The following LPGAT1 variants were observed in gnomAD, a reference collection of about 807,000 sequenced individuals.
The protein encoded by LPGAT1 is acyl-CoA:lysophosphatidylglycerol acyltransferase 1.
In LPGAT1, 11 loss-of-function variants were observed where a neutral mutation model predicts 47.5. The ratio of observed to expected loss-of-function variants is 0.23; its 90% CI spans 0.15 to 0.38. The LOEUF (loss-of-function observed/expected upper bound fraction) is 0.38. Ranked by LOEUF, LPGAT1 falls within the 10% of genes least tolerant of loss-of-function variation. The pLI is 1.00. For synonymous variants in LPGAT1, 138 were observed against 144.2 expected, an observed-to-expected ratio of 0.96 and a Z score of 0.31; for missense variants, 293 against 439.0, an observed-to-expected ratio of 0.67 and a Z score of 2.97.
rs1053327068 is a variant in LPGAT1, at chr1:211,783,286, C to T, written c.670G>A (p.Ala224Thr). 4.3e-6 allele frequency: 7 copies of T among 1,614,034 alleles called. No homozygotes were observed. In the African/African-American group the frequency reaches 8.0e-5, roughly 18 times the overall value. The part of the protein sequence containing the change: ...RSGATKIILN[A>T]LVAQQKNGSP... ...CCATTTTTCTGTTGTGCTACAAGTG[C>T]ATTCAAAATAATTTTTGTTGCCCCA... The change falls in exon 5 of 8, where the codon GCA (alanine) becomes ACA (threonine). Residue 224 changes from alanine to threonine, a missense_variant. Transcript: ENST00000366997.
intron 2 of LPGAT1, among the ~76,000 whole-genome samples, chr1:211,809,097 C>T (rs938937640): frequency 2.6e-5 from 4 of 151,748 alleles, no homozygotes; most frequent in African/African-American, 4.8e-5. Flanking sequence ...CCCAACTACT[C>T]GGAAGGCTGA....
chr1:211,755,382 ATAG>A (rs1236443865), intron 6 of LPGAT1, among the ~76,000 whole-genome samples: 4 of 151,976 alleles, frequency 2.6e-5, no homozygotes, highest in East Asian at 1.9e-4. Flanking sequence ...TATAGTATAG[ATAG>A]TAGAACATGA....
At chr1:211,786,232 C>T (rs1240617512) in intron 4 of LPGAT1, among the ~76,000 whole-genome samples, 1 of 152,178 alleles carries the variant, frequency 6.6e-6, no homozygotes, top group Non-Finnish European at 1.5e-5. Flanking sequence ...ATATAATGTC[C>T]AGTACATAAA....
rs747623294 is a variant in LPGAT1, at chr1:211,751,085, A to G, written c.855-18T>C. On this transcript the variant is annotated intron_variant, in intron 6 of 7. Coordinates refer to ENST00000366997, the MANE Select transcript of LPGAT1 (RefSeq NM_014873.3). ...GAAAGATCCTATTAAGGGTTAGAAG[A>G]AAAGAACAAAAACTATTTAGTTCAG... The G allele has an allele frequency of 2.7e-6, 4 of 1,498,076 alleles. No homozygotes were observed. The Admixed American group carries it at 5.3e-5, about 20-fold the overall frequency. The allele number at this position is 1,498,076 out of a possible 1,614,324, so 92.8% of individuals were successfully genotyped here.
intron 3 of LPGAT1, among the ~76,000 whole-genome samples, chr1:211,790,890 T>C (rs1012526397): frequency 1.3e-5 from 2 of 152,182 alleles, no homozygotes; most frequent in Non-Finnish European, 2.9e-5. Context: ...TTAAGGACAT[T>C]GTAGGCCCTC....
intron 2 of LPGAT1, among the ~76,000 whole-genome samples, chr1:211,824,670 C>G (rs913478710): frequency 6.6e-6 from 1 of 152,194 alleles, no homozygotes; most frequent in Non-Finnish European, 1.5e-5. Context: ...AAGCACCACT[C>G]AGTATAAACA....
rs553267205 is a variant in LPGAT1, at chr1:211,817,844, T to C, written c.238+11215A>G. On this transcript the variant is annotated intron_variant, in intron 2 of 7. Transcript: ENST00000366997. ...CTTTCAGGTTTTTTGTTTTTGTTTT[T>C]GTTTTGAGACAGAGTCTCACTCTGT... Among the ~76,000 whole-genome samples, 10 of 152,184 alleles carry C rather than the reference T, an allele frequency of 6.6e-5. No homozygotes were observed. The South Asian group carries it at 2.1e-3, about 32-fold the overall frequency.
chr1:211,763,300 T>C (rs1461272719), intron 6 of LPGAT1, among the ~76,000 whole-genome samples: 2 of 152,326 alleles, frequency 1.3e-5, no homozygotes, highest in African/African-American at 4.8e-5. Flanking sequence ...CAAGGATTAA[T>C]GGATTAATGA....
intron 3 of LPGAT1, 32 bp from the exon 4 acceptor site, chr1:211,787,759 GA>G: frequency 7.3e-7 from 1 of 1,375,146 alleles, no homozygotes; most frequent in South Asian, 1.2e-5. Flanking sequence ...AATAATATTG[GA>G]TAGAAGAAAC....
At chr1:211,808,979 C>T (rs1334413788) in intron 2 of LPGAT1, among the ~76,000 whole-genome samples, 2 of 151,410 alleles carry the variant, frequency 1.3e-5, no homozygotes, top group Non-Finnish European at 2.9e-5. Context: ...GGGCGGATCA[C>T]GAGGTCAGGA....
chr1:211,823,303 G>A (rs527918887), intron 2 of LPGAT1, among the ~76,000 whole-genome samples: 2 of 152,178 alleles, frequency 1.3e-5, no homozygotes, highest in East Asian at 3.9e-4. Flanking sequence ...TCACTGCCTG[G>A]TTTATTTTTC....
At position 211,779,847 on chromosome 1, in the gene LPGAT1, C is replaced by T. The variant is rs936221592; in HGVS notation, c.728-803G>A. On this transcript the variant is annotated intron_variant, in intron 5 of 7. Coordinates refer to ENST00000366997, the MANE Select transcript of LPGAT1 (RefSeq NM_014873.3). ...CAGCCTGGGCACAAGAGCAAAACTCCGTCTCAAAATAAATAAATAAATAAA... is the reference window on the plus strand; with the variant it reads ...CAGCCTGGGCACAAGAGCAAAACTCTGTCTCAAAATAAATAAATAAATAAA... 2.9e-5 allele frequency among the ~76,000 whole-genome samples: 4 copies of T among 136,804 alleles called. No homozygotes were observed. The East Asian group carries it at 6.7e-4, about 23-fold the overall frequency. 89.7% of individuals were successfully genotyped at this position (136,804 alleles called of 152,430 possible). A position where few individuals can be genotyped will look rare whatever the true frequency, so the allele number is the denominator to read the frequency against.
At chr1:211,761,696 T>C (rs1349437672) in intron 6 of LPGAT1, among the ~76,000 whole-genome samples, 2 of 152,254 alleles carry the variant, frequency 1.3e-5, no homozygotes, top group Admixed American at 6.5e-5. Flanking sequence ...GAGATACAAA[T>C]AGTTAGCTTG....
At chr1:211,789,869 C>CAAA (rs10651480) in intron 3 of LPGAT1, among the ~76,000 whole-genome samples, 5,303 of 138,378 alleles carry the variant, frequency 0.038, 177 homozygotes, top group African/African-American at 0.083. Flanking sequence ...GACTCTGTCT[C>CAAA]AAAAAAAAAA....
chr1:211,787,811 T>A lies in LPGAT1; in HGVS notation c.358-84A>T, dbSNP rs1358940129. 3 of 793,006 alleles carry A rather than the reference T, an allele frequency of 3.8e-6. No individual in the cohort carries two copies. The East Asian group carries it at 7.8e-5, about 21-fold the overall frequency. The allele number at this position is 793,006 out of a possible 1,614,324, so 49.1% of individuals were successfully genotyped here. ...CTGAGTCTCCAAGCTTTAAATATAA[T>A]CATCCAAGCATACTTTTAATTAACC... is the stretch of plus-strand genomic sequence containing the variant. On this transcript the variant is annotated intron_variant, in intron 3 of 7. Transcript: ENST00000366997.
chr1:211,752,063 A>G (rs1254786534), intron 6 of LPGAT1, among the ~76,000 whole-genome samples: 1 of 152,218 alleles, frequency 6.6e-6, no homozygotes, highest in East Asian at 1.9e-4. Flanking sequence ...AGTTAGCTCA[A>G]TATTAGGCAT....
intron 2 of LPGAT1, among the ~76,000 whole-genome samples, chr1:211,803,479 C>T (rs569554286): frequency 1.3e-5 from 2 of 152,200 alleles, no homozygotes; most frequent in South Asian, 4.1e-4. Context: ...ATGAAATTGG[C>T]AGAGTAGCAT....
intron 3 of LPGAT1, 57 bp downstream of exon 3, chr1:211,793,015 G>T: frequency 8.1e-7 from 1 of 1,228,048 alleles, no homozygotes; most frequent in Non-Finnish European, 1.2e-6. Flanking sequence ...CGGCCAAATG[G>T]ATTCCTTTTT....
chr1:211,802,087 C>CAAAAAA (rs758493700), intron 2 of LPGAT1, among the ~76,000 whole-genome samples: 1 of 108,550 alleles, frequency 9.2e-6, no homozygotes, highest in Admixed American at 1.0e-4. Flanking sequence ...GACTCTGTCT[C>CAAAAAA]AAAAAAAAAA....
Sources: allele counts gnomAD v4.1 joint callset (sites outside exome capture counted in the v4.1 genomes callset), GRCh38; gene constraint gnomAD v4.1.1; transcripts MANE v1.5; gene names NCBI Gene and HGNC (gene_info 2026-07-23, HGNC 2026-07-21).